The following CDK5RAP2 variants were observed in gnomAD, a reference collection of about 807,000 sequenced individuals.
CDK5RAP2 encodes the protein CDK5 regulatory subunit associated protein 2.
In CDK5RAP2, 147 loss-of-function variants were observed where a neutral mutation model predicts 232.9. That is an observed-to-expected ratio of 0.63 (90% CI 0.55 to 0.72). CDK5RAP2 has a LOEUF of 0.72. Among genes scored for constraint, CDK5RAP2 ranks in the 30% least tolerant of loss-of-function variants. The pLI is 0.00. For synonymous variants in CDK5RAP2, 833 were observed against 833.7 expected, an observed-to-expected ratio of 1.00 and a Z score of 0.01; for missense variants, 2,195 against 2,231.5, an observed-to-expected ratio of 0.98 and a Z score of 0.33.
intron 15 of CDK5RAP2, among the ~76,000 whole-genome samples, chr9:120,476,426 T>G (rs2038012302): frequency 6.8e-6 from 1 of 147,358 alleles, no homozygotes; most frequent in Non-Finnish European, 1.5e-5. Context: ...ACACTTGTAA[T>G]CCCAGCACTT....
Position 120,536,439 on chromosome 9 carries a change from G to T in CDK5RAP2, c.595C>A (p.Leu199Ile). The T allele has an allele frequency of 6.2e-7, 1 of 1,614,176 alleles. No individual in the cohort carries two copies. Among genetic ancestry groups the T allele is most frequent in the Non-Finnish European group, 8.5e-7 (1 of 1,180,024 alleles). The stretch of plus-strand genomic sequence containing the variant: ...TCGTGCATCTTCTTCATCTCTGAAA[G>T]CTTGCTTTCCAAACGCAACCGAAGA... ...KALRLRLESK[L>I]SEMKKMHEGD... Residue 199 changes from leucine to isoleucine, a missense_variant, in exon 7 of 38, where the codon CTT (leucine) becomes ATT (isoleucine). Coordinates refer to ENST00000349780, the MANE Select transcript of CDK5RAP2 (RefSeq NM_018249.6).
rs777004040 is a variant in CDK5RAP2 at position 120,409,333 on chromosome 9, G to C, written c.4415-17C>G. 1.1e-5 allele frequency: 17 copies of C among 1,559,346 alleles called. No homozygotes were observed. The African/African-American group carries it at 1.6e-4, about 15-fold the overall frequency. ...TCTGTTTATCTGCAAACATAAAAAG[G>C]TGCCACTGAGAAGGGCCACCATTTG... On this transcript the variant is annotated splice_polypyrimidine_tract_variant and intron_variant, in intron 29 of 37. Coordinates refer to ENST00000349780, the MANE Select transcript of CDK5RAP2 (RefSeq NM_018249.6).
rs1362672867 is a variant in CDK5RAP2, at chr9:120,411,490, T to A, written c.4298-16A>T. 1.5e-6 allele frequency: 2 copies of A among 1,357,720 alleles called. No homozygotes were observed. The highest frequency in any genetic ancestry group is 1.7e-5 in the Admixed American group (1 of 59,690). 84.1% of individuals were successfully genotyped at this position (1,357,720 alleles called of 1,614,324 possible). ...CTTGTAGAACCTATAAAAACACACA[T>A]AAAAACTGATTTATAAACAGTCTCC... On this transcript the variant is annotated splice_polypyrimidine_tract_variant and intron_variant, in intron 28 of 37. Coordinates refer to ENST00000349780, the MANE Select transcript of CDK5RAP2 (RefSeq NM_018249.6).
At chr9:120,523,510 T>C (rs1564336148) in intron 11 of CDK5RAP2, among the ~76,000 whole-genome samples, 1 of 152,214 alleles carries the variant, frequency 6.6e-6, no homozygotes, top group Non-Finnish European at 1.5e-5. Flanking sequence ...AAGTCTGAGA[T>C]TCCAAAAGCA....
chr9:120,502,797 A>G (rs2039634813), intron 12 of CDK5RAP2, among the ~76,000 whole-genome samples: 1 of 152,148 alleles, frequency 6.6e-6, no homozygotes, highest in Non-Finnish European at 1.5e-5. Flanking sequence ...CCACAGCATC[A>G]ACAGAACCTT....
At position 120,436,383 on chromosome 9, in the gene CDK5RAP2, C is replaced by A. The variant is rs187734473; in HGVS notation, c.3955+912G>T. ...TCCGGATTAAAGGAGACGAGAGACA[C>A]ATGACAACTAAATGTAACGTGGAGA... On this transcript the variant is annotated intron_variant, in intron 25 of 37. Coordinates refer to ENST00000349780, the MANE Select transcript of CDK5RAP2 (RefSeq NM_018249.6). 1.5e-4 allele frequency among the ~76,000 whole-genome samples: 23 copies of A among 152,306 alleles called. No individual in the cohort carries two copies. The East Asian group carries it at 2.9e-3, about 19-fold the overall frequency.
chr9:120,524,331 C>T (rs2040804068), intron 11 of CDK5RAP2, among the ~76,000 whole-genome samples: 1 of 152,158 alleles, frequency 6.6e-6, no homozygotes. Context: ...GCTACACATG[C>T]TCCTGAGCCT....
chr9:120,525,031 A>C lies in CDK5RAP2; in HGVS notation c.1047T>G (p.Ala349=). The change falls in exon 11 of 38, where the codon GCT becomes GCG. Residue 349 remains alanine, a synonymous_variant. Transcript: ENST00000349780. ...SEIEKLSAAF[A]KAREALQKAQ... ...CTTTCTGTAGGGCCTCTCTGGCTTT[A>C]GCAAAGGCAGCACTGAGCTTTTCAA... 1.2e-6 allele frequency: 2 copies of C among 1,614,134 alleles called. No homozygotes were observed. The highest frequency in any genetic ancestry group is 1.7e-6 in the Non-Finnish European group (2 of 1,179,974).
rs1173607414 is a variant in CDK5RAP2, at chr9:120,448,057, G to A, written c.2863C>T (p.Pro955Ser). ...TGCGTCACCACCTCCTGGGTGGCAG[G>A]GAGACGATACATATTTCCTAATGAC... ...SRSLGNMYRLPATQEVVTQLQ... is the reference protein window; with the variant it reads ...SRSLGNMYRLSATQEVVTQLQ... Residue 955 changes from proline to serine, a missense_variant, in exon 22 of 38, where the codon CCT (proline) becomes TCT (serine). Coordinates refer to ENST00000349780, the MANE Select transcript of CDK5RAP2 (RefSeq NM_018249.6). The A allele has an allele frequency of 7.4e-6, 12 of 1,613,940 alleles. No individual in the cohort carries two copies. The highest frequency in any genetic ancestry group is 4.0e-5 in the African/African-American group (3 of 74,880).
intron 1 of CDK5RAP2, among the ~76,000 whole-genome samples, chr9:120,576,475 G>A (rs1479431208): frequency 6.6e-6 from 1 of 152,174 alleles, no homozygotes; most frequent in Admixed American, 6.5e-5. Context: ...GCCAAGGCGG[G>A]CAGATCACCT....
chr9:120,429,370 A>G (rs2035133161), intron 25 of CDK5RAP2, among the ~76,000 whole-genome samples: 1 of 152,190 alleles, frequency 6.6e-6, no homozygotes, highest in Admixed American at 6.5e-5. Flanking sequence ...CCATTGTCTC[A>G]GCCCAAAATT....
intron 3 of CDK5RAP2, among the ~76,000 whole-genome samples, chr9:120,557,130 T>C (rs1209943224): frequency 6.6e-6 from 1 of 152,230 alleles, no homozygotes; most frequent in Non-Finnish European, 1.5e-5. Flanking sequence ...AATACGCCTT[T>C]AGAAGGTCAC....
At chr9:120,538,941 C>T (rs2041509342) in intron 6 of CDK5RAP2, 100 bp downstream of exon 6, 3 of 1,286,898 alleles carry the variant, frequency 2.3e-6, no homozygotes, top group Non-Finnish European at 3.4e-6. Flanking sequence ...GCTGTTGTTT[C>T]TGCTGAAACT....
At chr9:120,418,216 C>A (rs1234815452) in intron 27 of CDK5RAP2, among the ~76,000 whole-genome samples, 1 of 152,114 alleles carries the variant, frequency 6.6e-6, no homozygotes, top group African/African-American at 2.4e-5. Context: ...GTTCAGGTAA[C>A]CCACTAAGAG....
chr9:120,571,947 A>G, intron 2 of CDK5RAP2, 27 bp downstream of exon 2: 1 of 1,583,670 alleles, frequency 6.3e-7, no homozygotes, highest in Non-Finnish European at 8.7e-7. Flanking sequence ...TCTTTACTCA[A>G]GAGAATGCCT....
At chr9:120,435,120 C>T (rs760521975) in intron 25 of CDK5RAP2, among the ~76,000 whole-genome samples, 3 of 152,158 alleles carry the variant, frequency 2.0e-5, no homozygotes, top group Non-Finnish European at 2.9e-5. Flanking sequence ...AACCCAACAA[C>T]AGCTGTACAA....
At chr9:120,560,417 C>A (rs1421344394) in intron 3 of CDK5RAP2, among the ~76,000 whole-genome samples, 1 of 152,200 alleles carries the variant, frequency 6.6e-6, no homozygotes, top group Non-Finnish European at 1.5e-5. Context: ...ATACTGCTGT[C>A]TCAAGGCCTG....
At chr9:120,549,022 T>A (rs13291676) in intron 4 of CDK5RAP2, among the ~76,000 whole-genome samples, 4 of 151,994 alleles carry the variant, frequency 2.6e-5, no homozygotes, top group Non-Finnish European at 4.4e-5. Context: ...CCAGGCGTGC[T>A]GGCGTGCACA....
intron 20 of CDK5RAP2, among the ~76,000 whole-genome samples, chr9:120,456,456 A>G (rs2036784233): frequency 6.6e-6 from 1 of 152,160 alleles, no homozygotes; most frequent in Non-Finnish European, 1.5e-5. Flanking sequence ...GAGGGGAGAG[A>G]GAAGGCCCTC....
Sources: gnomAD v4.1 joint callset for allele counts (sites outside exome capture counted in the v4.1 genomes callset) on GRCh38, gnomAD v4.1.1 for gene constraint, MANE v1.5 for transcripts, NCBI Gene and HGNC (gene_info 2026-07-23, HGNC 2026-07-21) for gene names.